The following B9D1 variants were observed in gnomAD, a reference collection of about 807,000 sequenced individuals.
B9D1 encodes B9 domain-containing protein 1.
B9D1 carries 20 observed loss-of-function variants against 26.1 expected under a neutral mutation model. The observed-to-expected ratio is 0.77, with a 90% CI of 0.54 to 1.12. The LOEUF (loss-of-function observed/expected upper bound fraction) is 1.12, where lower values mean the gene tolerates loss of function less well. B9D1 is among the 50% of genes most tolerant of loss of function. B9D1 has a pLI of 0.00. For synonymous variants in B9D1, 105 were observed against 103.1 expected (o/e 1.02, Z -0.11); for missense variants, 260 against 273.7 (o/e 0.95, Z 0.35).
At chr17:19,357,564 G>T (rs565195411) in intron 3 of B9D1, 1 of 483,760 alleles carries the variant, frequency 2.1e-6, no homozygotes, top group Non-Finnish European at 3.8e-6. Context: ...CCAGGGTGGG[G>T]AGCCTGCCTT....
chr17:19,353,056 A>C (rs1026630439), intron 3 of B9D1, among the ~76,000 whole-genome samples: 1 of 150,670 alleles, frequency 6.6e-6, no homozygotes, highest in Non-Finnish European at 1.5e-5. Flanking sequence ...GCTCACTGCT[A>C]TCTCCACCTC....
intron 5 of B9D1, chr17:19,344,506 G>A (rs1389613051): frequency 2.9e-5 from 8 of 279,366 alleles, no homozygotes; most frequent in South Asian, 8.2e-5. Flanking sequence ...GTCAGGCCCC[G>A]CCGCCGACAC....
rs1025397404 is a variant in B9D1 at position 19,359,053 on chromosome 17, T to C, written c.133-1102A>G. 2.0e-5 allele frequency among the ~76,000 whole-genome samples: 3 copies of C among 152,198 alleles called. No individual in the cohort carries two copies. Among genetic ancestry groups the C allele is most frequent in the East Asian group, 1.9e-4 (1 of 5,194 alleles). ...ACCCAGCGGCTCTATCTTCAGAATA[T>C]ACTTGCAGTCCAGCCCCTCCCACCA... On this transcript the variant is annotated intron_variant, in intron 2 of 6. Coordinates refer to ENST00000261499, the MANE Select transcript of B9D1 (RefSeq NM_015681.6). The surrounding 1 kb of genome is among the most constrained non-coding windows in gnomAD (Gnocchi z 5.0).
chr17:19,376,130 T>G (rs1912087421), intron 1 of B9D1, among the ~76,000 whole-genome samples: 1 of 152,236 alleles, frequency 6.6e-6, no homozygotes, highest in Non-Finnish European at 1.5e-5. Flanking sequence ...CAGTGTGTGA[T>G]TCCATTAGTA....
upstream of B9D1, among the ~76,000 whole-genome samples, chr17:19,367,335 G>C (rs1169355532): frequency 2.3e-5 from 3 of 127,866 alleles, no homozygotes; most frequent in Non-Finnish European, 3.2e-5. Context: ...TTTTGAGACA[G>C]AGTTTCGCTC....
At chr17:19,344,980 G>A (rs1469449872) in intron 5 of B9D1, among the ~76,000 whole-genome samples, 1 of 152,244 alleles carries the variant, frequency 6.6e-6, no homozygotes, top group Non-Finnish European at 1.5e-5. Context: ...CACCTCACAA[G>A]AGGCTATGTA....
rs1567889252 is a variant in B9D1, at chr17:19,347,922, CAG to C, written c.245-44_245-43del. Reference sequence around the variant, plus strand: ...CAGGGGGTGGGCACATGAGGACACACAGGGGAGGTGCAGGGCAGAGAACAGGG... The same window carrying C: ...CAGGGGGTGGGCACATGAGGACACACGGGAGGTGCAGGGCAGAGAACAGGG... On this transcript the variant is annotated intron_variant, in intron 3 of 6. Coordinates refer to ENST00000261499, the MANE Select transcript of B9D1 (RefSeq NM_015681.6). The surrounding 1 kb of genome is among the most constrained non-coding windows in gnomAD (Gnocchi z 4.3). 1.3e-6 allele frequency: 2 copies of C among 1,558,006 alleles called. No individual in the cohort carries two copies. Among genetic ancestry groups the C allele is most frequent in the African/African-American group, 1.4e-5 (1 of 73,992 alleles).
rs765279302 is a variant in B9D1, at chr17:19,359,014, C to T, written c.133-1063G>A. Among the ~76,000 whole-genome samples, 3 of 152,198 alleles carry T rather than the reference C, an allele frequency of 2.0e-5. No individual in the cohort carries two copies. Among genetic ancestry groups the T allele is most frequent in the Non-Finnish European group, 4.4e-5 (3 of 68,040 alleles). The stretch of plus-strand genomic sequence containing the variant: ...TAACTCCTCCTTCTCTCAGACCTCA[C>T]ATCCATCAAAAGAACCCAGCGGCTC... On this transcript the variant is annotated intron_variant, in intron 2 of 6. Transcript: ENST00000261499. This position sits in a 1 kb window ranked among gnomAD's most constrained non-coding sequence, Gnocchi z 5.0.
intron 5 of B9D1, among the ~76,000 whole-genome samples, chr17:19,345,900 A>C (rs1908712972): frequency 1.3e-5 from 2 of 152,240 alleles, no homozygotes; most frequent in Non-Finnish European, 2.9e-5. Context: ...AGATTCTGCC[A>C]ATCAAACTGC....
At chr17:19,360,456 G>A in intron 1 of B9D1, 68 bp from the exon 2 acceptor site, 1 of 1,412,166 alleles carries the variant, frequency 7.1e-7, no homozygotes, top group Non-Finnish European at 1.0e-6. Flanking sequence ...TGCTAGGCAG[G>A]TGCAGCCAAG....
chr17:19,339,214 T>C (rs1907701844), downstream of B9D1, among the ~76,000 whole-genome samples: 1 of 152,214 alleles, frequency 6.6e-6, no homozygotes, highest in Admixed American at 6.5e-5. Flanking sequence ...CTTTTGATGC[T>C]AATTTTTTTT....
At chr17:19,358,065 C>A in intron 2 of B9D1, 114 bp from the exon 3 acceptor site, 1 of 758,024 alleles carries the variant, frequency 1.3e-6, no homozygotes, top group Non-Finnish European at 2.3e-6. Flanking sequence ...TGTCTTCTCC[C>A]AAGACACGAA....
Position 19,347,745 on chromosome 17 carries a change from C to T in B9D1, c.341+39G>A, listed in dbSNP as rs1252357807. On this transcript the variant is annotated intron_variant, in intron 4 of 6. Coordinates refer to ENST00000261499, the MANE Select transcript of B9D1 (RefSeq NM_015681.6). The surrounding 1 kb of genome is among the most constrained non-coding windows in gnomAD (Gnocchi z 4.3). ...AAACGAGGTGAAGTCTGTCCTAGGA[C>T]AAGTCCTGCCCAGGGCCCAGGTCAG... 1 of 1,588,356 alleles carries T rather than the reference C, an allele frequency of 6.3e-7. No homozygotes were observed. Among genetic ancestry groups the T allele is most frequent in the Non-Finnish European group, 8.6e-7 (1 of 1,157,844 alleles).
chr17:19,345,297 A>T (rs978904099), intron 5 of B9D1, among the ~76,000 whole-genome samples: 1 of 152,204 alleles, frequency 6.6e-6, no homozygotes, highest in African/African-American at 2.4e-5. Context: ...ATTCTGACAG[A>T]GACAGGTTCT....
chr17:19,343,560 G>C (rs1281687009), intron 6 of B9D1, 99 bp from the exon 7 acceptor site: 1 of 1,588,660 alleles, frequency 6.3e-7, no homozygotes, highest in Admixed American at 1.8e-5. Flanking sequence ...TCTGTAAAAT[G>C]GGGACAACAG....
intron 3 of B9D1, among the ~76,000 whole-genome samples, chr17:19,355,214 T>G (rs1246332760): frequency 1.3e-5 from 2 of 152,186 alleles, no homozygotes; most frequent in Non-Finnish European, 2.9e-5. Flanking sequence ...ATTTTTCAAT[T>G]CTAGAATTTC....
chr17:19,357,621 G>A (rs1910520217), intron 3 of B9D1: 1 of 587,386 alleles, frequency 1.7e-6, no homozygotes, highest in Non-Finnish European at 3.1e-6. Flanking sequence ...CTTCCAGAAG[G>A]CCAGCTGCAC....
At chr17:19,361,111 C>T (rs1911003002) in intron 1 of B9D1, among the ~76,000 whole-genome samples, 1 of 151,862 alleles carries the variant, frequency 6.6e-6, no homozygotes, top group African/African-American at 2.4e-5. Context: ...GAGAATCTAA[C>T]GCATGATGAT....
intron 1 of B9D1, among the ~76,000 whole-genome samples, chr17:19,360,863 G>A (rs1567904518): frequency 6.6e-6 from 1 of 152,200 alleles, no homozygotes; most frequent in Non-Finnish European, 1.5e-5. Flanking sequence ...CACAGATAAG[G>A]TCTAAGGCAG....
Sources: gnomAD v4.1 joint callset for allele counts (sites outside exome capture counted in the v4.1 genomes callset) on GRCh38, gnomAD v4.1.1 for gene constraint, Gnocchi (gnomAD v3.1) non-coding constraint, MANE v1.5 for transcripts, NCBI Gene and HGNC (gene_info 2026-07-23, HGNC 2026-07-21) for gene names.